Variants in WDR72 observed in about 807,000 individuals in gnomAD.
WDR72 encodes the protein WD repeat domain 72, also known as WD repeat-containing protein 72.
Under a neutral mutation model 124.2 loss-of-function variants are expected in WDR72, and 120 were observed. The ratio of observed to expected loss-of-function variants is 0.97; its 90% confidence interval spans 0.83 to 1.12. The LOEUF is 1.12. WDR72 is among the 50% of genes most tolerant of loss of function. The pLI, the probability that WDR72 is intolerant of heterozygous loss-of-function variation, is 0.00. For synonymous variants in WDR72, 452 were observed against 441.7 expected (o/e 1.02, Z -0.29); for missense variants, 1,387 against 1,278.8 (o/e 1.08, Z -1.29).
chr15:53,675,502 T>TAATTAATTA (rs2016140181), intron 13 of WDR72, among the ~76,000 whole-genome samples: 4 of 152,212 alleles, frequency 2.6e-5, no homozygotes, highest in South Asian at 4.1e-4. Flanking sequence ...AATTATCTAT[T>TAATTAATTA]ATATACAAAA....
chr15:53,681,783 A>C (rs1595845033), intron 13 of WDR72, among the ~76,000 whole-genome samples: 1 of 152,206 alleles, frequency 6.6e-6, no homozygotes, highest in East Asian at 1.9e-4. Context: ...AATATATATT[A>C]AGATGCCAGG....
chr15:53,516,917 T>C lies in WDR72; in HGVS notation c.*782A>G, dbSNP rs1490534756. 6.6e-6 allele frequency: 1 copy of C among 152,074 alleles called. No individual in the cohort carries two copies. Among genetic ancestry groups the C allele is most frequent in the Non-Finnish European group, 1.5e-5 (1 of 67,962 alleles). The allele number at this position is 152,074 out of a possible 1,614,324, so 9.4% of individuals were successfully genotyped here. A position where few individuals can be genotyped will look rare whatever the true frequency, so the allele number is the denominator to read the frequency against. On this transcript the variant is annotated 3_prime_UTR_variant, in exon 20 of 20. Transcript: ENST00000360509. ...AGAATTCCTGCTAGTCAAGCTTCTT[T>C]CTGGGAAAAGACCTACAAGAGTTTA...
chr15:53,618,432 A>G (rs2013855547), intron 14 of WDR72, among the ~76,000 whole-genome samples: 1 of 151,944 alleles, frequency 6.6e-6, no homozygotes, highest in Non-Finnish European at 1.5e-5. Flanking sequence ...CTTAAAATTT[A>G]TTACTTTTAT....
intron 6 of WDR72, among the ~76,000 whole-genome samples, chr15:53,713,757 C>A (rs2140554607): frequency 6.6e-6 from 1 of 152,124 alleles, no homozygotes; most frequent in Admixed American, 6.5e-5. Flanking sequence ...TGTGCATGGC[C>A]TAGTATTTTG....
chr15:53,713,973 T>G (rs79794158), intron 6 of WDR72, among the ~76,000 whole-genome samples: 18 of 152,222 alleles, frequency 1.2e-4, no homozygotes, highest in Middle Eastern at 3.4e-3. Context: ...TCAACACACA[T>G]AGTATGGCTG....
intron 18 of WDR72, among the ~76,000 whole-genome samples, chr15:53,553,545 GAA>G (rs1893819589): frequency 6.6e-6 from 1 of 152,132 alleles, no homozygotes; most frequent in Non-Finnish European, 1.5e-5. Context: ...GAATTGAGTA[GAA>G]ACCTAAACAT....
chr15:53,743,973 C>CAAA (rs11295149), intron 1 of WDR72, among the ~76,000 whole-genome samples: 19 of 128,742 alleles, frequency 1.5e-4, no homozygotes, highest in South Asian at 5.0e-4. Context: ...AGACTCGTCT[C>CAAA]AAAAAAAAAA....
intron 18 of WDR72, among the ~76,000 whole-genome samples, chr15:53,551,952 A>G (rs1165016574): frequency 1.3e-5 from 2 of 152,156 alleles, no homozygotes; most frequent in African/African-American, 2.4e-5. Context: ...TCTATTTAGT[A>G]TAATAGTCTT....
intron 13 of WDR72, among the ~76,000 whole-genome samples, chr15:53,694,909 A>G (rs112359249): frequency 5.3e-5 from 8 of 152,326 alleles, no homozygotes; most frequent in African/African-American, 1.9e-4. Flanking sequence ...AGGCCAAATC[A>G]GGCCTGCTGC....
At chr15:53,552,324 C>T (rs1323123921) in intron 18 of WDR72, among the ~76,000 whole-genome samples, 1 of 152,132 alleles carries the variant, frequency 6.6e-6, no homozygotes, top group African/African-American at 2.4e-5. Context: ...TACTTGTTTA[C>T]TAGCTTGTCA....
chr15:53,566,086 A>G (rs1465654192), intron 18 of WDR72, among the ~76,000 whole-genome samples: 1 of 151,986 alleles, frequency 6.6e-6, no homozygotes, highest in African/African-American at 2.4e-5. Flanking sequence ...TTTACTGAGC[A>G]CGTATTACAT....
At chr15:53,622,711 C>G (rs1483634542) in intron 14 of WDR72, among the ~76,000 whole-genome samples, 1 of 151,928 alleles carries the variant, frequency 6.6e-6, no homozygotes, top group African/African-American at 2.4e-5. Flanking sequence ...TCTACAGGCA[C>G]AGCAAATCAC....
upstream of WDR72, among the ~76,000 whole-genome samples, chr15:53,761,082 C>G (rs1376018150): frequency 6.6e-6 from 1 of 152,190 alleles, no homozygotes; most frequent in Admixed American, 6.5e-5. Flanking sequence ...TGAGATCACA[C>G]CACTGCACTC....
At chr15:53,532,932 T>C (rs996831665) in intron 18 of WDR72, among the ~76,000 whole-genome samples, 6 of 152,154 alleles carry the variant, frequency 3.9e-5, no homozygotes, top group African/African-American at 1.4e-4. Context: ...TAATTACAAA[T>C]AAAAAATTTA....
At chr15:53,535,370 G>C (rs184993369) in intron 18 of WDR72, among the ~76,000 whole-genome samples, 1 of 152,082 alleles carries the variant, frequency 6.6e-6, no homozygotes, top group Non-Finnish European at 1.5e-5. Context: ...GCTGGGTATC[G>C]ACAGGGAACC....
intron 14 of WDR72, among the ~76,000 whole-genome samples, chr15:53,662,682 T>C (rs553166760): frequency 6.6e-6 from 1 of 152,188 alleles, no homozygotes; most frequent in Non-Finnish European, 1.5e-5. Context: ...ATGAAGCATT[T>C]TACTGTATTA....
chr15:53,517,843 A>C, intron 19 of WDR72, 89 bp from the exon 20 acceptor site: 2 of 1,220,538 alleles, frequency 1.6e-6, no homozygotes, highest in Non-Finnish European at 2.4e-6. Flanking sequence ...GGAGAGAGGA[A>C]ATGAAGAATA....
chr15:53,757,512 A>T (rs1177677635), intron 1 of WDR72, among the ~76,000 whole-genome samples: 2 of 152,022 alleles, frequency 1.3e-5, no homozygotes, highest in African/African-American at 4.8e-5. Flanking sequence ...AACCCCAGCT[A>T]CTGGAGAGGC....
chr15:53,745,567 T>C (rs1388485860), intron 1 of WDR72, among the ~76,000 whole-genome samples: 2 of 152,222 alleles, frequency 1.3e-5, no homozygotes, highest in Admixed American at 1.3e-4. Context: ...AATGTGAATT[T>C]CAGATGAACA....
Sources: allele counts gnomAD v4.1 joint callset (sites outside exome capture counted in the v4.1 genomes callset), GRCh38; gene constraint gnomAD v4.1.1; transcripts MANE v1.5; gene names NCBI Gene and HGNC (gene_info 2026-07-23, HGNC 2026-07-21).